ARHGAP24: variants seen among roughly 807,000 people sequenced by gnomAD.
ARHGAP24 encodes the protein rho GTPase-activating protein 24.
In ARHGAP24, 50 loss-of-function variants were observed where a neutral mutation model predicts 76.4. The ratio of observed to expected loss-of-function variants is 0.65; its 90% CI spans 0.52 to 0.83. The LOEUF is 0.83. Among genes scored for constraint, ARHGAP24 ranks in the 40% least tolerant of loss-of-function variants. The pLI, the probability that ARHGAP24 is intolerant of heterozygous loss-of-function variation, is 0.00. For missense variants in ARHGAP24, 930 were observed against 914.2 expected, an observed-to-expected ratio of 1.02 and a Z score of -0.22; for synonymous variants, 345 against 323.3, an observed-to-expected ratio of 1.07 and a Z score of -0.72.
At chr4:85,507,225 T>C (rs1724090024) in intron 1 of ARHGAP24, among the ~76,000 whole-genome samples, 2 of 152,002 alleles carry the variant, frequency 1.3e-5, no homozygotes, top group South Asian at 4.1e-4. Context: ...TTATTATTAT[T>C]ATTATTTTTT....
At chr4:85,546,520 C>A (rs546443198) in intron 1 of ARHGAP24, among the ~76,000 whole-genome samples, 13 of 152,256 alleles carry the variant, frequency 8.5e-5, no homozygotes, top group African/African-American at 3.1e-4. Flanking sequence ...CTAAGAATTA[C>A]AACATTTTAG....
chr4:85,718,779 G>T (rs536477110), intron 2 of ARHGAP24, among the ~76,000 whole-genome samples: 8 of 152,078 alleles, frequency 5.3e-5, no homozygotes, highest in Non-Finnish European at 1.0e-4. Context: ...TGTCAAATAA[G>T]AAAATGTTAA....
intron 2 of ARHGAP24, among the ~76,000 whole-genome samples, chr4:85,587,107 C>T (rs1727892434): frequency 6.6e-6 from 1 of 152,078 alleles, no homozygotes; most frequent in African/African-American, 2.4e-5. Flanking sequence ...AAAAAGTACT[C>T]ATAGAAACTT....
intron 3 of ARHGAP24, among the ~76,000 whole-genome samples, chr4:85,873,799 C>T (rs1732671121): frequency 6.6e-6 from 1 of 152,180 alleles, no homozygotes; most frequent in South Asian, 2.1e-4. Flanking sequence ...TGCTTCTATT[C>T]TCTGCTCTCC....
chr4:85,645,541 G>A (rs1422304847), intron 2 of ARHGAP24, among the ~76,000 whole-genome samples: 1 of 152,042 alleles, frequency 6.6e-6, no homozygotes, highest in Non-Finnish European at 1.5e-5. Context: ...CATGAATATA[G>A]TATTTGTGTA....
chr4:85,496,606 C>T (rs1279193448), intron 1 of ARHGAP24, among the ~76,000 whole-genome samples: 2 of 152,050 alleles, frequency 1.3e-5, no homozygotes, highest in Admixed American at 1.3e-4. Flanking sequence ...CCGTGAAGTT[C>T]AACAGCATAC....
At chr4:85,719,922 CCTAAGGTAGATGGGAGCATGCTGCCA>C in intron 2 of ARHGAP24, among the ~76,000 whole-genome samples, 1 of 151,922 alleles carries the variant, frequency 6.6e-6, no homozygotes, top group Non-Finnish European at 1.5e-5. Flanking sequence ...AGAATGTTGT[CCTAAGGTAGATGGGAGCATGCTGCCA>C]TTTATAGAAG....
At chr4:85,703,520 C>T (rs891928431) in intron 2 of ARHGAP24, among the ~76,000 whole-genome samples, 1 of 152,054 alleles carries the variant, frequency 6.6e-6, no homozygotes, top group Admixed American at 6.6e-5. Context: ...GAGTTGATGA[C>T]ATCATGAGGG....
intron 1 of ARHGAP24, among the ~76,000 whole-genome samples, chr4:85,516,638 TG>T (rs565224795): frequency 1.7e-3 from 256 of 151,612 alleles, no homozygotes; most frequent in Middle Eastern, 6.8e-3. Flanking sequence ...TGAGATTTTG[TG>T]GGTTTTTTTC....
intron 3 of ARHGAP24, among the ~76,000 whole-genome samples, chr4:85,807,006 A>G (rs1317062816): frequency 6.6e-6 from 1 of 152,222 alleles, no homozygotes; most frequent in African/African-American, 2.4e-5. Flanking sequence ...AAGGCACCCA[A>G]TGCCACAAAG....
chr4:85,573,033 C>T (rs571320885), intron 2 of ARHGAP24, among the ~76,000 whole-genome samples: 33 of 151,990 alleles, frequency 2.2e-4, no homozygotes, highest in Admixed American at 1.8e-3. Flanking sequence ...TGCGCCACCA[C>T]ACCCGGCTAA....
At chr4:85,875,577 A>G (rs1440799299) in intron 3 of ARHGAP24, among the ~76,000 whole-genome samples, 2 of 107,050 alleles carry the variant, frequency 1.9e-5, no homozygotes, top group Non-Finnish European at 3.4e-5. Context: ...TATATAATAT[A>G]TAATATATAT....
At chr4:85,591,971 C>A (rs1213158655) in intron 2 of ARHGAP24, among the ~76,000 whole-genome samples, 1 of 152,124 alleles carries the variant, frequency 6.6e-6, no homozygotes, top group East Asian at 1.9e-4. Context: ...AGCATACTAC[C>A]AATTATGTGT....
At chr4:85,525,105 A>G (rs552767787) in intron 1 of ARHGAP24, among the ~76,000 whole-genome samples, 5 of 152,222 alleles carry the variant, frequency 3.3e-5, no homozygotes, top group African/African-American at 9.6e-5. Flanking sequence ...ATCTGCATCT[A>G]TATTGTATCC....
chr4:85,632,843 A>T (rs548624882), intron 2 of ARHGAP24, among the ~76,000 whole-genome samples: 24 of 152,020 alleles, frequency 1.6e-4, no homozygotes, highest in Non-Finnish European at 3.5e-4. Flanking sequence ...AGTTAAAATT[A>T]GGCTTTGTTT....
intron 2 of ARHGAP24, among the ~76,000 whole-genome samples, chr4:85,608,290 A>G (rs569260104): frequency 6.6e-6 from 1 of 152,156 alleles, no homozygotes; most frequent in Non-Finnish European, 1.5e-5. Context: ...TTTTTTAAGG[A>G]TGCCAATTAC....
At chr4:85,668,744 C>G (rs1255361881) in intron 2 of ARHGAP24, among the ~76,000 whole-genome samples, 2 of 152,058 alleles carry the variant, frequency 1.3e-5, no homozygotes, top group Non-Finnish European at 2.9e-5. Flanking sequence ...ATGATCCAAT[C>G]CACGTTAAAG....
At chr4:85,762,581 G>T (rs1726772397) in intron 3 of ARHGAP24, among the ~76,000 whole-genome samples, 1 of 152,110 alleles carries the variant, frequency 6.6e-6, no homozygotes, top group Admixed American at 6.6e-5. Context: ...AAATGTGTGA[G>T]AAAGATAGCT....
At chr4:85,703,810 A>G (rs1724194389) in intron 2 of ARHGAP24, among the ~76,000 whole-genome samples, 1 of 152,136 alleles carries the variant, frequency 6.6e-6, no homozygotes, top group East Asian at 1.9e-4. Flanking sequence ...CAACAACACT[A>G]CATTTTTAAA....
Sources: gnomAD v4.1 joint callset for allele counts (sites outside exome capture counted in the v4.1 genomes callset) on GRCh38, gnomAD v4.1.1 for gene constraint, MANE v1.5 for transcripts, NCBI Gene and HGNC (gene_info 2026-07-23, HGNC 2026-07-21) for gene names.